Variants in PPME1 observed in about 807,000 individuals in gnomAD.
PPME1 encodes the protein testicular secretory protein Li 39.
A neutral mutation model predicts 56.9 loss-of-function variants in PPME1; 17 were observed. The observed-to-expected ratio is 0.30, with a 90% CI of 0.20 to 0.45. The LOEUF (loss-of-function observed/expected upper bound fraction) is 0.45. Ranked by LOEUF, PPME1 falls within the 20% of genes least tolerant of loss-of-function variation. The pLI is 1.00. For synonymous variants in PPME1, 122 were observed against 156.2 expected (o/e 0.78, Z 1.63); for missense variants, 357 against 483.2 (o/e 0.74, Z 2.45).
At chr11:74,192,132 G>A (rs1224857782) in intron 1 of PPME1, among the ~76,000 whole-genome samples, 2 of 152,194 alleles carry the variant, frequency 1.3e-5, no homozygotes, top group East Asian at 3.9e-4. Flanking sequence ...GCTGCCCAAG[G>A]CCTTGGGAGC....
At chr11:74,233,228 T>G (rs999350125) in intron 7 of PPME1, among the ~76,000 whole-genome samples, 2 of 152,170 alleles carry the variant, frequency 1.3e-5, no homozygotes, top group African/African-American at 2.4e-5. Flanking sequence ...CTTAAAGTAG[T>G]CTTGTTTCTT....
intron 1 of PPME1, among the ~76,000 whole-genome samples, chr11:74,178,475 A>G (rs1857452340): frequency 6.6e-6 from 1 of 152,228 alleles, no homozygotes; most frequent in Non-Finnish European, 1.5e-5. Context: ...CTGCTCAAAC[A>G]AAAGTATTAC....
chr11:74,252,367 G>T (rs569444392), intron 13 of PPME1: 1 of 451,196 alleles, frequency 2.2e-6, no homozygotes, highest in African/African-American at 2.0e-5. Context: ...GGATTATAGG[G>T]ATTATAGGCA....
chr11:74,196,735 C>A (rs1009672424), intron 1 of PPME1, among the ~76,000 whole-genome samples: 1 of 152,136 alleles, frequency 6.6e-6, no homozygotes, highest in Non-Finnish European at 1.5e-5. Context: ...AAGTATAATG[C>A]TTGTATATAT....
At chr11:74,238,882 C>A in intron 8 of PPME1, 2 of 327,322 alleles carry the variant, frequency 6.1e-6, no homozygotes, top group Admixed American at 4.3e-5. Flanking sequence ...AAAACTCATG[C>A]CTGAGGAAGT....
At chr11:74,240,171 C>T (rs935847916) in intron 9 of PPME1, among the ~76,000 whole-genome samples, 1 of 152,110 alleles carries the variant, frequency 6.6e-6, no homozygotes, top group Non-Finnish European at 1.5e-5. Flanking sequence ...CTGTATGACA[C>T]ACCTTAGCAC....
chr11:74,238,964 T>C (rs1275582358), intron 8 of PPME1, 169 bp from the exon 9 acceptor site: 2 of 643,290 alleles, frequency 3.1e-6, no homozygotes, highest in African/African-American at 1.8e-5. Flanking sequence ...AGTTATACAT[T>C]GGCCATGATT....
chr11:74,228,923 C>T (rs1858997361), intron 5 of PPME1, among the ~76,000 whole-genome samples: 1 of 152,178 alleles, frequency 6.6e-6, no homozygotes, highest in Non-Finnish European at 1.5e-5. Flanking sequence ...GACTTTTCGT[C>T]TTAACTATTT....
chr11:74,182,640 C>T (rs1203943957), intron 1 of PPME1, among the ~76,000 whole-genome samples: 2 of 152,158 alleles, frequency 1.3e-5, no homozygotes, highest in Non-Finnish European at 2.9e-5. Context: ...GAGATAGTGT[C>T]TTAACAATGC....
At chr11:74,202,439 C>A (rs73565842) in intron 1 of PPME1, among the ~76,000 whole-genome samples, 15,819 of 152,210 alleles carry the variant, frequency 0.1, 2,153 homozygotes, top group African/African-American at 0.32. Context: ...TATATCCCTT[C>A]CTACCCAGCC....
At chr11:74,211,604 A>C (rs1386600400) in intron 3 of PPME1, among the ~76,000 whole-genome samples, 3 of 152,224 alleles carry the variant, frequency 2.0e-5, no homozygotes, top group Non-Finnish European at 4.4e-5. Context: ...CATAAATAAA[A>C]GATTAATTTG....
chr11:74,186,083 G>T lies in PPME1; in HGVS notation c.101+14561G>T, dbSNP rs529135012. Among the ~76,000 whole-genome samples the T allele has an allele frequency of 7.9e-5, 12 of 152,238 alleles. No homozygotes were observed. The East Asian group carries it at 2.1e-3, about 27-fold the overall frequency. ...TCAACACAGAAAAGTAATAGTAATG[G>T]GAGCTAGGATTTTCAAGCACATGGT... is the stretch of plus-strand genomic sequence containing the variant. On this transcript the variant is annotated intron_variant, in intron 1 of 13. Transcript: ENST00000328257.
intron 1 of PPME1, among the ~76,000 whole-genome samples, chr11:74,175,863 T>C (rs1029720188): frequency 2.0e-5 from 3 of 152,256 alleles, no homozygotes; most frequent in Admixed American, 2.0e-4. Context: ...AGAATCATTA[T>C]GTGGCAGGAA....
chr11:74,226,230 A>T (rs1858929055), intron 5 of PPME1, among the ~76,000 whole-genome samples: 1 of 152,144 alleles, frequency 6.6e-6, no homozygotes, highest in Non-Finnish European at 1.5e-5. Flanking sequence ...ATTTTGTGTA[A>T]TCATTTATTG....
At chr11:74,192,828 T>A (rs375843916) in intron 1 of PPME1, among the ~76,000 whole-genome samples, 12 of 152,198 alleles carry the variant, frequency 7.9e-5, no homozygotes, top group African/African-American at 2.7e-4. Flanking sequence ...CCTGTGGCCC[T>A]TACCAGGAAC....
intron 1 of PPME1, among the ~76,000 whole-genome samples, chr11:74,177,949 TAA>T (rs766182355): frequency 6.6e-6 from 1 of 152,216 alleles, no homozygotes; most frequent in Non-Finnish European, 1.5e-5. Context: ...TAAATACAAT[TAA>T]GTCTACAAAA....
At position 74,171,468 on chromosome 11, in the gene PPME1, G is replaced by A. The variant is rs768214869; in HGVS notation, c.47G>A (p.Arg16His). Residue 16 changes from arginine to histidine, a missense_variant, in exon 1 of 14, where the codon CGC becomes CAC. Physicochemically the swap from Arg to His is conservative, Grantham distance 29. Transcript: ENST00000328257. ...ATGCACCTCGGCCGCCTTCCCTCTCGCCCACCTCTACCCGGCAGCGGGGGC... is the reference window on the plus strand; with the variant it reads ...ATGCACCTCGGCCGCCTTCCCTCTCACCCACCTCTACCCGGCAGCGGGGGC... ...KSMHLGRLPSRPPLPGSGGSQ... is the reference protein window; with the variant it reads ...KSMHLGRLPSHPPLPGSGGSQ... The A allele has an allele frequency of 6.2e-7, 1 of 1,613,356 alleles. No homozygotes were observed. The highest frequency in any genetic ancestry group is 1.1e-5 in the South Asian group (1 of 90,930).
In PPME1 at chr11:74,205,124, C is replaced by T. The variant is rs558081284; in HGVS notation, c.288+679C>T. 4 of 152,286 alleles carry T rather than the reference C, an allele frequency of 2.6e-5. No individual in the cohort carries two copies. In the South Asian group the frequency reaches 8.3e-4, roughly 32 times the overall value. 9.4% of individuals were successfully genotyped at this position (152,286 alleles called of 1,614,324 possible). ...TTAGATAATGTCTATCACTTTGTCT[C>T]CCATATAGAGCCTATGTAATACTTT... On this transcript the variant is annotated intron_variant, in intron 3 of 13. Transcript: ENST00000328257.
intron 11 of PPME1, chr11:74,250,564 T>C (rs1173823959): frequency 6.0e-6 from 1 of 166,984 alleles, no homozygotes; most frequent in Non-Finnish European, 1.3e-5. Flanking sequence ...CCTCTTGGAT[T>C]GTGAAGTTCC....
Sources: allele counts gnomAD v4.1 joint callset (sites outside exome capture counted in the v4.1 genomes callset), GRCh38; gene constraint gnomAD v4.1.1; transcripts MANE v1.5; gene names NCBI Gene and HGNC (gene_info 2026-07-23, HGNC 2026-07-21).